TNFRSF8: variants seen among roughly 807,000 people sequenced by gnomAD.
TNFRSF8 encodes the protein tumor necrosis factor receptor superfamily member 8.
A neutral mutation model predicts 70.8 loss-of-function variants in TNFRSF8; 26 were observed. The ratio of observed to expected loss-of-function variants is 0.37; its 90% CI spans 0.27 to 0.51. The LOEUF (loss-of-function observed/expected upper bound fraction) is 0.51. Ranked by LOEUF, TNFRSF8 falls within the 20% of genes least tolerant of loss-of-function variation. TNFRSF8 has a pLI of 0.94. For synonymous variants in TNFRSF8, 356 were observed against 339.2 expected, an observed-to-expected ratio of 1.05 and a Z score of -0.54; for missense variants, 720 against 807.9, an observed-to-expected ratio of 0.89 and a Z score of 1.32.
intron 3 of TNFRSF8, among the ~76,000 whole-genome samples, chr1:12,098,800 C>G (rs1417690600): frequency 6.6e-6 from 1 of 152,126 alleles, no homozygotes; most frequent in Non-Finnish European, 1.5e-5. Flanking sequence ...GAGTTTTGGA[C>G]AGTAGAGAAT....
intron 1 of TNFRSF8, among the ~76,000 whole-genome samples, chr1:12,073,458 CCTTT>C (rs1640882737): frequency 1.4e-5 from 2 of 147,770 alleles, no homozygotes; most frequent in East Asian, 1.9e-4. Context: ...TTCCTTCCTT[CCTTT>C]CTTCTTCCTT....
rs1384085946 is a variant in TNFRSF8 at position 12,108,524 on chromosome 1, A to G, written c.422-1042A>G. The stretch of plus-strand genomic sequence containing the variant: ...ACAGCCTGGTGAAGAGTGTATGATT[A>G]TAGTCATTTGACTGGGCTGGGCACG... On this transcript the variant is annotated intron_variant, in intron 4 of 14. Coordinates refer to ENST00000263932, the MANE Select transcript of TNFRSF8 (RefSeq NM_001243.5). This position sits in a 1 kb window ranked among gnomAD's most constrained non-coding sequence, Gnocchi z 4.0. Among the ~76,000 whole-genome samples the G allele has an allele frequency of 6.6e-6, 1 of 152,150 alleles. No homozygotes were observed. The highest frequency in any genetic ancestry group is 1.5e-5 in the Non-Finnish European group (1 of 68,020).
chr1:12,135,187 G>A (rs553206786), intron 12 of TNFRSF8, among the ~76,000 whole-genome samples: 15 of 151,958 alleles, frequency 9.9e-5, no homozygotes, highest in Non-Finnish European at 1.5e-4. Context: ...TTGGTGGCAC[G>A]AGCCTATAAT....
At chr1:12,079,371 GC>G (rs940118836) in intron 1 of TNFRSF8, among the ~76,000 whole-genome samples, 1 of 152,012 alleles carries the variant, frequency 6.6e-6, no homozygotes. Context: ...CCACCCAAAA[GC>G]CCCCCCTCCA....
chr1:12,114,692 A>ATTT (rs1378643633), intron 7 of TNFRSF8, among the ~76,000 whole-genome samples: 1 of 64,718 alleles, frequency 1.5e-5, no homozygotes, highest in Admixed American at 1.9e-4. Context: ...AGGAAAAAAA[A>ATTT]TCTTTTTTTT....
intron 2 of TNFRSF8, among the ~76,000 whole-genome samples, chr1:12,093,851 C>G (rs1641285792): frequency 6.6e-6 from 1 of 151,946 alleles, no homozygotes; most frequent in Non-Finnish European, 1.5e-5. Flanking sequence ...CGGGACGGAT[C>G]ATGAGGTCAG....
chr1:12,121,076 C>T (rs553858005), intron 8 of TNFRSF8, among the ~76,000 whole-genome samples: 1 of 152,318 alleles, frequency 6.6e-6, no homozygotes, highest in African/African-American at 2.4e-5. Flanking sequence ...TGGGTTTGAG[C>T]ATCAGAGCTC....
At chr1:12,073,417 A>G (rs113622521) in intron 1 of TNFRSF8, among the ~76,000 whole-genome samples, 1,998 of 151,544 alleles carry the variant, frequency 0.013, 40 homozygotes, top group African/African-American at 0.045. Context: ...CTTCAGGTCC[A>G]CTATATCCAT....
At chr1:12,090,466 A>C (rs1484440533) in intron 2 of TNFRSF8, among the ~76,000 whole-genome samples, 4 of 121,096 alleles carry the variant, frequency 3.3e-5, no homozygotes, top group African/African-American at 1.3e-4. Context: ...CCACCCACCC[A>C]CTCATCCATC....
At chr1:12,104,583 C>A in intron 4 of TNFRSF8, 52 bp downstream of exon 4, 1 of 1,604,998 alleles carries the variant, frequency 6.2e-7, no homozygotes, top group Non-Finnish European at 8.5e-7. Flanking sequence ...GTTGCTGCTG[C>A]ACCTTCCGCC....
At chr1:12,127,513 C>T (rs1641964208) in intron 12 of TNFRSF8, among the ~76,000 whole-genome samples, 1 of 152,270 alleles carries the variant, frequency 6.6e-6, no homozygotes, top group South Asian at 2.1e-4. Context: ...GCCACGTGCT[C>T]AGCCTAAGGC....
intron 1 of TNFRSF8, among the ~76,000 whole-genome samples, chr1:12,066,706 G>A (rs1007383375): frequency 6.6e-6 from 1 of 151,698 alleles, no homozygotes; most frequent in East Asian, 1.9e-4. Context: ...AGGCTGGAGT[G>A]CAGTGGCGCA....
chr1:12,101,618 G>A (rs955156994), intron 3 of TNFRSF8, among the ~76,000 whole-genome samples: 6 of 152,084 alleles, frequency 3.9e-5, no homozygotes, highest in African/African-American at 9.7e-5. Flanking sequence ...CACGTGCTAC[G>A]ACATTGCCGT....
intron 1 of TNFRSF8, among the ~76,000 whole-genome samples, chr1:12,077,307 C>G (rs564295621): frequency 6.6e-6 from 1 of 152,096 alleles, no homozygotes; most frequent in Non-Finnish European, 1.5e-5. Context: ...AGGGCGGGCC[C>G]AATCTAATCA....
rs1641188621 is a variant in TNFRSF8 at position 12,088,247 on chromosome 1, C to T, written c.151+3696C>T. Among the ~76,000 whole-genome samples the T allele has an allele frequency of 6.6e-6, 1 of 152,166 alleles. No homozygotes were observed. Among genetic ancestry groups the T allele is most frequent in the Non-Finnish European group, 1.5e-5 (1 of 68,040 alleles). ...TACTCTTGGTGACGGGGAGCTCATT[C>T]ACTGACTCATAACAATGACCACGAT... On this transcript the variant is annotated intron_variant, in intron 2 of 14. Transcript: ENST00000263932. This position sits in a 1 kb window ranked among gnomAD's most constrained non-coding sequence, Gnocchi z 4.0.
At chr1:12,096,685 A>T (rs1641337087) in intron 2 of TNFRSF8, among the ~76,000 whole-genome samples, 1 of 152,160 alleles carries the variant, frequency 6.6e-6, no homozygotes, top group South Asian at 2.1e-4. Flanking sequence ...GTAGTACTTT[A>T]TACATATTTA....
intron 2 of TNFRSF8, among the ~76,000 whole-genome samples, chr1:12,089,404 T>G (rs1055727357): frequency 1.3e-5 from 2 of 152,152 alleles, no homozygotes; most frequent in Non-Finnish European, 2.9e-5. Context: ...GCTTCCATTG[T>G]CCCCCTGGCA....
At chr1:12,121,490 C>T (rs1641828283) in intron 8 of TNFRSF8, among the ~76,000 whole-genome samples, 2 of 152,164 alleles carry the variant, frequency 1.3e-5, no homozygotes, top group South Asian at 2.1e-4. Flanking sequence ...AATTATCCTG[C>T]CCCAGAAAAG....
At chr1:12,077,535 A>G (rs1056050918) in intron 1 of TNFRSF8, among the ~76,000 whole-genome samples, 1 of 152,222 alleles carries the variant, frequency 6.6e-6, no homozygotes, top group Non-Finnish European at 1.5e-5. Flanking sequence ...TCCTACAACC[A>G]CAAGGAACTG....
Sources: allele counts gnomAD v4.1 joint callset (sites outside exome capture counted in the v4.1 genomes callset), GRCh38; gene constraint gnomAD v4.1.1; non-coding constraint Gnocchi (gnomAD v3.1); transcripts MANE v1.5; gene names NCBI Gene and HGNC (gene_info 2026-07-23, HGNC 2026-07-21).